Variants in NALCN observed in about 807,000 individuals in gnomAD.
The protein encoded by NALCN is sodium leak channel, non-selective.
In NALCN, 111 loss-of-function variants were observed where a neutral mutation model predicts 225.3. That is an observed-to-expected ratio of 0.49 (90% CI 0.42 to 0.58). NALCN has a LOEUF of 0.58. Among genes scored for constraint, NALCN ranks in the 20% least tolerant of loss-of-function variants. NALCN has a pLI of 0.00. For missense variants in NALCN, 1,378 were observed against 2,202.4 expected, an observed-to-expected ratio of 0.63 and a Z score of 7.49; for synonymous variants, 764 against 769.0, an observed-to-expected ratio of 0.99 and a Z score of 0.11.
chr13:101,062,540 A>G (rs540371263), intron 40 of NALCN, among the ~76,000 whole-genome samples: 1 of 150,784 alleles, frequency 6.6e-6, no homozygotes, highest in South Asian at 2.1e-4. Context: ...ACACATCCCT[A>G]CTCCCTGCAT....
At chr13:101,073,236 C>G (rs2033020157) in intron 37 of NALCN, among the ~76,000 whole-genome samples, 1 of 152,138 alleles carries the variant, frequency 6.6e-6, no homozygotes, top group Middle Eastern at 3.4e-3. Flanking sequence ...TAGGGCCTAG[C>G]ATATAGCTGA....
chr13:101,248,344 T>C (rs555265666), intron 11 of NALCN, among the ~76,000 whole-genome samples: 1 of 152,334 alleles, frequency 6.6e-6, no homozygotes, highest in South Asian at 2.1e-4. Flanking sequence ...AAACTGTTAG[T>C]GTCAACCAAA....
chr13:101,372,346 G>A (rs1427104201), intron 6 of NALCN, among the ~76,000 whole-genome samples: 1 of 152,072 alleles, frequency 6.6e-6, no homozygotes, highest in Non-Finnish European at 1.5e-5. Flanking sequence ...CAGCCAACTT[G>A]ACTTTGGTGA....
chr13:101,081,557 A>C lies in NALCN; in HGVS notation c.3855T>G (p.Val1285=), dbSNP rs761576277. 5.6e-6 allele frequency: 9 copies of C among 1,614,000 alleles called. No homozygotes were observed. The highest frequency in any genetic ancestry group is 7.6e-6 in the Non-Finnish European group (9 of 1,180,006). The change falls in exon 34 of 44, where the codon GTT becomes GTG. Residue 1285 remains valine, a synonymous_variant. Transcript: ENST00000251127. ...GGGCAAAGTGAAGCACCACCCATACAACGCCAAGCGACGTCACCAGGAGAT... is the reference window on the plus strand; with the variant it reads ...GGGCAAAGTGAAGCACCACCCATACCACGCCAAGCGACGTCACCAGGAGAT... ...RYDLLVTSLG[V]VWVVLHFALL... is the part of the protein sequence containing the mutation.
chr13:101,061,870 A>G lies in NALCN; in HGVS notation c.4755+98T>C, dbSNP rs1393349080. On this transcript the variant is annotated intron_variant, in intron 41 of 43. Transcript: ENST00000251127. ...GGGATAGAAGGCTGATCACAGAAGG[A>G]GCTAATCCCATGTTCACGAAGCTCT... 4 of 1,135,640 alleles carry G rather than the reference A, an allele frequency of 3.5e-6. No homozygotes were observed. The Admixed American group carries it at 7.0e-5, about 20-fold the overall frequency. The allele number at this position is 1,135,640 out of a possible 1,614,324, so 70.3% of individuals were successfully genotyped here.
chr13:101,228,726 T>C (rs888678147), intron 13 of NALCN, among the ~76,000 whole-genome samples: 2 of 152,250 alleles, frequency 1.3e-5, no homozygotes, highest in African/African-American at 4.8e-5. Flanking sequence ...AATGGACTAA[T>C]ACACCATATA....
At chr13:101,067,448 C>T (rs948723849) in intron 39 of NALCN, among the ~76,000 whole-genome samples, 6 of 152,106 alleles carry the variant, frequency 3.9e-5, no homozygotes, top group South Asian at 2.1e-4. Context: ...TTTTAAGAAA[C>T]CTTGGGTAAA....
intron 17 of NALCN, among the ~76,000 whole-genome samples, chr13:101,125,329 C>A (rs937392577): frequency 6.6e-5 from 10 of 151,940 alleles, no homozygotes; most frequent in African/African-American, 2.4e-4. Context: ...AGAAAACAGG[C>A]AAATGGGCCA....
intron 9 of NALCN, among the ~76,000 whole-genome samples, chr13:101,288,911 A>T (rs1286928683): frequency 6.6e-6 from 1 of 152,182 alleles, no homozygotes; most frequent in Non-Finnish European, 1.5e-5. Flanking sequence ...GCTAGTCTAG[A>T]TCAGAGGACC....
chr13:101,150,786 C>T (rs1290394507), intron 15 of NALCN, among the ~76,000 whole-genome samples: 1 of 151,492 alleles, frequency 6.6e-6, no homozygotes, highest in Non-Finnish European at 1.5e-5. Flanking sequence ...TTATACTATA[C>T]CAAGAAAAGA....
intron 27 of NALCN, 49 bp from the exon 28 acceptor site, chr13:101,095,729 C>T: frequency 7.0e-7 from 1 of 1,437,832 alleles, no homozygotes; most frequent in Admixed American, 1.9e-5. Flanking sequence ...AGAAAATGAA[C>T]TCAGAAAAGA....
chr13:101,151,097 A>G (rs1371181043), intron 15 of NALCN, among the ~76,000 whole-genome samples: 1 of 152,208 alleles, frequency 6.6e-6, no homozygotes, highest in Non-Finnish European at 1.5e-5. Flanking sequence ...CTTGAGCTTT[A>G]AAACTAGAAG....
chr13:101,087,847 T>G (rs1475874971), intron 30 of NALCN, among the ~76,000 whole-genome samples: 1 of 152,214 alleles, frequency 6.6e-6, no homozygotes, highest in Non-Finnish European at 1.5e-5. Context: ...CTGTGATACA[T>G]TCTAATCTTC....
chr13:101,369,525 T>C (rs7986032), intron 6 of NALCN, among the ~76,000 whole-genome samples: 6,452 of 152,220 alleles, frequency 0.042, 443 homozygotes, highest in African/African-American at 0.15. Context: ...TATGTGCCAA[T>C]ATGAGCTTTC....
chr13:101,237,744 A>G lies in NALCN; in HGVS notation c.1434+11T>C. The G allele has an allele frequency of 6.5e-7, 1 of 1,547,452 alleles. No homozygotes were observed. The highest frequency in any genetic ancestry group is 1.4e-5 in the African/African-American group (1 of 71,550). ...AAATTTCTAAAGACAAATAGGCATTATTTTTATTACCTGAAAGTACGTGAA... is the reference window on the plus strand; with the variant it reads ...AAATTTCTAAAGACAAATAGGCATTGTTTTTATTACCTGAAAGTACGTGAA... On this transcript the variant is annotated intron_variant, in intron 12 of 43. Coordinates refer to ENST00000251127, the MANE Select transcript of NALCN (RefSeq NM_052867.4).
Position 101,062,059 on chromosome 13 carries a change from G to T in NALCN, c.4664C>A (p.Ala1555Glu). The change falls in exon 41 of 44, where the codon GCG becomes GAG. Residue 1555 changes from alanine (A) to glutamate (E), a missense_variant. Around this residue, in one of 19 missense-constraint regions of NALCN, gnomAD observed 94 missense variants for 170.3 expected, o/e 0.55. Transcript: ENST00000251127. ...TATGGTGTACTCCAGCTGCTCCCTC[G>T]CCAGGAGTTCCTCCAGCTGCAAGCT... ...RKSLQLEELL[A>E]REQLEYTIEE... is the part of the protein sequence containing the mutation. 1 of 1,614,064 alleles carries T rather than the reference G, an allele frequency of 6.2e-7. No homozygotes were observed. Among genetic ancestry groups the T allele is most frequent in the Non-Finnish European group, 8.5e-7 (1 of 1,179,996 alleles).
chr13:101,298,109 C>A (rs2043822784), intron 7 of NALCN, among the ~76,000 whole-genome samples: 1 of 152,270 alleles, frequency 6.6e-6, no homozygotes, highest in South Asian at 2.1e-4. Flanking sequence ...AGTGTATGAT[C>A]CTAATCCTAA....
chr13:101,367,466 C>T (rs2046409715), intron 6 of NALCN, among the ~76,000 whole-genome samples: 1 of 151,978 alleles, frequency 6.6e-6, no homozygotes, highest in African/African-American at 2.4e-5. Context: ...TCTTTGGCTG[C>T]CTCAAGTGTG....
chr13:101,200,770 G>A (rs1001868401), intron 13 of NALCN, among the ~76,000 whole-genome samples: 2 of 152,130 alleles, frequency 1.3e-5, no homozygotes, highest in East Asian at 3.9e-4. Flanking sequence ...CTTAGAGTTA[G>A]GTGAAGGCAA....
Sources: allele counts gnomAD v4.1 joint callset (sites outside exome capture counted in the v4.1 genomes callset), GRCh38; gene constraint gnomAD v4.1.1; regional missense constraint gnomAD v4.1.1; transcripts MANE v1.5; gene names NCBI Gene and HGNC (gene_info 2026-07-23, HGNC 2026-07-21).